The following TMEM131 variants were observed in gnomAD, a reference collection of about 807,000 sequenced individuals.
The protein encoded by TMEM131 is transmembrane protein 131, also known as 2610524E03Rik.
A neutral mutation model predicts 211.6 loss-of-function variants in TMEM131; 66 were observed. The ratio of observed to expected loss-of-function variants is 0.31; its 90% CI spans 0.26 to 0.38. The LOEUF is 0.38. Among genes scored for constraint, TMEM131 ranks in the 10% least tolerant of loss-of-function variants. TMEM131 has a pLI of 1.00. For missense variants in TMEM131, 2,036 were observed against 2,299.3 expected (o/e 0.89, Z 2.34); for synonymous variants, 844 against 841.3 (o/e 1.00, Z -0.06).
intron 11 of TMEM131, among the ~76,000 whole-genome samples, chr2:97,830,952 G>A (rs1682653302): frequency 6.6e-6 from 1 of 152,216 alleles, no homozygotes; most frequent in Admixed American, 6.5e-5. Context: ...AAAGGAGACA[G>A]GAACCTTTCT....
At chr2:97,851,587 A>G (rs1388244578) in intron 5 of TMEM131, among the ~76,000 whole-genome samples, 1 of 152,122 alleles carries the variant, frequency 6.6e-6, no homozygotes, top group Non-Finnish European at 1.5e-5. Flanking sequence ...AACACCATGT[A>G]CTCACTTTCT....
intron 1 of TMEM131, among the ~76,000 whole-genome samples, chr2:97,970,889 T>C (rs1433752769): frequency 6.6e-6 from 1 of 152,192 alleles, no homozygotes; most frequent in Non-Finnish European, 1.5e-5. Flanking sequence ...GCTCTGGAAC[T>C]GGCTCTACTG....
At chr2:97,812,346 T>C (rs79170240) in intron 17 of TMEM131, 75 bp downstream of exon 17, 105,108 of 1,464,018 alleles carry the variant, frequency 0.072, 5,034 homozygotes, top group Non-Finnish European at 0.078. Flanking sequence ...GTGATACATG[T>C]AGCATAGCAA....
intron 1 of TMEM131, among the ~76,000 whole-genome samples, chr2:97,947,923 C>G (rs1312575280): frequency 1.3e-5 from 2 of 152,018 alleles, no homozygotes; most frequent in Admixed American, 6.6e-5. Context: ...CAAGGCAATT[C>G]AATTGGGGAA....
intron 4 of TMEM131, among the ~76,000 whole-genome samples, chr2:97,860,067 C>A (rs1674004071): frequency 6.6e-6 from 1 of 152,226 alleles, no homozygotes; most frequent in African/African-American, 2.4e-5. Flanking sequence ...CCCTTGGCAT[C>A]CATGCCATGG....
chr2:97,905,316 T>C (rs539501264), intron 3 of TMEM131, among the ~76,000 whole-genome samples: 5 of 152,346 alleles, frequency 3.3e-5, no homozygotes, highest in Non-Finnish European at 2.9e-5. Context: ...CAACCAGCAG[T>C]CATTCCTATC....
At chr2:97,828,127 C>T (rs1342939261) in intron 11 of TMEM131, among the ~76,000 whole-genome samples, 1 of 152,158 alleles carries the variant, frequency 6.6e-6, no homozygotes, top group East Asian at 1.9e-4. Context: ...GAGTTGTGAA[C>T]TGGTGGGCTG....
intron 1 of TMEM131, among the ~76,000 whole-genome samples, chr2:97,938,093 A>G (rs1677531063): frequency 6.6e-6 from 1 of 152,232 alleles, no homozygotes; most frequent in Non-Finnish European, 1.5e-5. Flanking sequence ...TGTAAAGACC[A>G]TCAAGGCTAG....
chr2:97,790,197 C>T (rs1375254681), intron 31 of TMEM131, among the ~76,000 whole-genome samples: 1 of 152,120 alleles, frequency 6.6e-6, no homozygotes, highest in Admixed American at 6.5e-5. Flanking sequence ...AGCTGGAAGC[C>T]TATAGTTTCA....
intron 4 of TMEM131, among the ~76,000 whole-genome samples, chr2:97,881,205 A>G (rs1426963330): frequency 6.6e-6 from 1 of 151,646 alleles, no homozygotes; most frequent in Non-Finnish European, 1.5e-5. Flanking sequence ...TGCAGACAGT[A>G]TCTGGCATAG....
At chr2:97,827,247 G>A in intron 11 of TMEM131, 1 of 776,362 alleles carries the variant, frequency 1.3e-6, no homozygotes, top group South Asian at 1.4e-5. Flanking sequence ...CCGCCGCCAG[G>A]ATGCCCAAGA....
intron 4 of TMEM131, among the ~76,000 whole-genome samples, chr2:97,881,834 A>C (rs910018628): frequency 1.4e-4 from 21 of 152,266 alleles, no homozygotes; most frequent in African/African-American, 4.8e-4. Context: ...ATTCATGTTA[A>C]AAAGAGCAGT....
chr2:97,983,616 T>G (rs952531517), intron 1 of TMEM131, among the ~76,000 whole-genome samples: 1 of 152,164 alleles, frequency 6.6e-6, no homozygotes, highest in African/African-American at 2.4e-5. Flanking sequence ...TGACCAATGG[T>G]TACCTCCTCC....
At chr2:97,868,520 T>C (rs1432701664) in intron 4 of TMEM131, among the ~76,000 whole-genome samples, 1 of 152,104 alleles carries the variant, frequency 6.6e-6, no homozygotes, top group Admixed American at 6.6e-5. Flanking sequence ...TTTTACTAAC[T>C]AGGAAAGCCG....
Position 97,802,664 on chromosome 2 carries a change from T to C in TMEM131, c.2529A>G (p.Thr843=). The C allele has an allele frequency of 1.2e-6, 2 of 1,612,484 alleles. No individual in the cohort carries two copies. Among genetic ancestry groups the C allele is most frequent in the Non-Finnish European group, 1.7e-6 (2 of 1,179,172 alleles). The change falls in exon 23 of 41, where the codon ACA becomes ACG. Residue 843 remains threonine (T), a synonymous_variant. Coordinates refer to ENST00000186436, the MANE Select transcript of TMEM131 (RefSeq NM_015348.2). ...TTTGAATACTTACTGAGGAGCAGTTTGTATTAGTAAGTGGAAATTTCAAGT... is the reference window on the plus strand; with the variant it reads ...TTTGAATACTTACTGAGGAGCAGTTCGTATTAGTAAGTGGAAATTTCAAGT... The part of the protein sequence containing the change: ...PRHLKFPLTN[T]NCSSEEEITL...
At chr2:97,872,359 C>T (rs1674523788) in intron 4 of TMEM131, among the ~76,000 whole-genome samples, 1 of 152,092 alleles carries the variant, frequency 6.6e-6, no homozygotes, top group Admixed American at 6.5e-5. Flanking sequence ...TTACCTTTAG[C>T]CCCAAACCTG....
rs774261809 is a variant in TMEM131, at chr2:97,927,412, T to C, written c.249+14A>G. On this transcript the variant is annotated intron_variant, in intron 2 of 40. Transcript: ENST00000186436. ...AAGGCTTAACAATAACTTGTCTACTTAAAAAAAAATTACCTGTAGTAGCCC... is the reference window on the plus strand; with the variant it reads ...AAGGCTTAACAATAACTTGTCTACTCAAAAAAAAATTACCTGTAGTAGCCC... The C allele has an allele frequency of 1.3e-6, 2 of 1,561,156 alleles. No homozygotes were observed. The highest frequency in any genetic ancestry group is 1.7e-6 in the Non-Finnish European group (2 of 1,151,546).
At chr2:97,946,944 T>C (rs1249541583) in intron 1 of TMEM131, among the ~76,000 whole-genome samples, 1 of 151,702 alleles carries the variant, frequency 6.6e-6, no homozygotes, top group Non-Finnish European at 1.5e-5. Context: ...AACTTCAACA[T>C]ATAAGACTTA....
intron 10 of TMEM131, among the ~76,000 whole-genome samples, chr2:97,834,259 T>C (rs1682840132): frequency 6.6e-6 from 1 of 152,228 alleles, no homozygotes; most frequent in South Asian, 2.1e-4. Context: ...CAAAATGTAA[T>C]TTAATAACTC....
Sources: gnomAD v4.1 joint callset for allele counts (sites outside exome capture counted in the v4.1 genomes callset) on GRCh38, gnomAD v4.1.1 for gene constraint, MANE v1.5 for transcripts, NCBI Gene and HGNC (gene_info 2026-07-23, HGNC 2026-07-21) for gene names.